NKAIN3: variants seen among roughly 807,000 people sequenced by gnomAD.
The protein encoded by NKAIN3 is sodium/potassium transporting ATPase interacting 3.
Under a neutral mutation model 30.2 loss-of-function variants are expected in NKAIN3, and 25 were observed. The ratio of observed to expected loss-of-function variants is 0.83; its 90% CI spans 0.60 to 1.16. The LOEUF is 1.16. Among genes scored for constraint, NKAIN3 ranks in the 50% most tolerant of loss-of-function variants. The probability of loss-of-function intolerance (pLI) is 0.00; values close to 1 mark genes in which losing one functional copy is unlikely to be tolerated. For missense variants in NKAIN3, 225 were observed against 254.1 expected (o/e 0.89, Z 0.78); for synonymous variants, 91 against 89.6 (o/e 1.02, Z -0.09).
At chr8:62,292,170 A>T (rs1813663840) in intron 1 of NKAIN3, among the ~76,000 whole-genome samples, 1 of 149,798 alleles carries the variant, frequency 6.7e-6, no homozygotes, top group African/African-American at 2.6e-5. Flanking sequence ...CAGCACACTG[A>T]TGGGTCTTGA....
intron 1 of NKAIN3, among the ~76,000 whole-genome samples, chr8:62,568,050 G>T (rs902934802): frequency 1.9e-4 from 29 of 152,134 alleles, no homozygotes; most frequent in African/African-American, 7.0e-4. Context: ...TCTGAAAAGT[G>T]CAACTTTCCT....
intron 1 of NKAIN3, among the ~76,000 whole-genome samples, chr8:62,420,331 A>G (rs1804593858): frequency 6.6e-6 from 1 of 152,236 alleles, no homozygotes; most frequent in Non-Finnish European, 1.5e-5. Context: ...ATGCCTCAGC[A>G]GATCTGATTG....
intron 3 of NKAIN3, among the ~76,000 whole-genome samples, chr8:62,662,598 G>T (rs542212478): frequency 1.4e-4 from 22 of 152,262 alleles, no homozygotes; most frequent in African/African-American, 5.3e-4. Flanking sequence ...AGTTATTGAG[G>T]TGAGCTTTAT....
chr8:62,692,332 T>C (rs1214077095), intron 3 of NKAIN3, among the ~76,000 whole-genome samples: 1 of 152,152 alleles, frequency 6.6e-6, no homozygotes, highest in Non-Finnish European at 1.5e-5. Context: ...GAAGCACAAC[T>C]GGCAAAGATA....
intron 1 of NKAIN3, among the ~76,000 whole-genome samples, chr8:62,353,362 T>C (rs1012927782): frequency 6.6e-6 from 1 of 152,246 alleles, no homozygotes; most frequent in African/African-American, 2.4e-5. Flanking sequence ...GAGTTTTTAT[T>C]AACATTACTG....
intron 6 of NKAIN3, among the ~76,000 whole-genome samples, chr8:62,955,553 G>C (rs1486450026): frequency 6.6e-6 from 1 of 152,062 alleles, no homozygotes; most frequent in African/African-American, 2.4e-5. Flanking sequence ...AAACTCAGCA[G>C]AGAAATTGCA....
intron 1 of NKAIN3, among the ~76,000 whole-genome samples, chr8:62,328,282 A>G (rs56695792): frequency 2.0e-4 from 30 of 152,278 alleles, no homozygotes; most frequent in African/African-American, 6.3e-4. Context: ...TACAAGTCCA[A>G]TGAAAGGTAA....
chr8:62,726,060 T>C (rs1008489560), intron 3 of NKAIN3, among the ~76,000 whole-genome samples: 17 of 152,116 alleles, frequency 1.1e-4, no homozygotes, highest in African/African-American at 4.1e-4. Context: ...TTTCACTTCT[T>C]TGGTTAAATT....
intron 1 of NKAIN3, among the ~76,000 whole-genome samples, chr8:62,463,681 T>C (rs1806066665): frequency 6.6e-6 from 1 of 152,222 alleles, no homozygotes; most frequent in South Asian, 2.1e-4. Flanking sequence ...TCTTCTCTCA[T>C]CCATGGGAAA....
chr8:62,263,169 T>C (rs1041391654), intron 1 of NKAIN3, among the ~76,000 whole-genome samples: 2 of 152,222 alleles, frequency 1.3e-5, no homozygotes, highest in Non-Finnish European at 2.9e-5. Flanking sequence ...TATTTTAAGA[T>C]GTTTAAACTT....
At chr8:62,697,161 A>G (rs1423518656) in intron 3 of NKAIN3, among the ~76,000 whole-genome samples, 2 of 152,068 alleles carry the variant, frequency 1.3e-5, no homozygotes, top group African/African-American at 2.4e-5. Flanking sequence ...ATGGCTCCCT[A>G]TTTCACCTGG....
At chr8:62,717,423 T>C in intron 3 of NKAIN3, among the ~76,000 whole-genome samples, 1 of 152,168 alleles carries the variant, frequency 6.6e-6, no homozygotes, top group Non-Finnish European at 1.5e-5. Flanking sequence ...ATAAGACTGG[T>C]ATTGTAACAC....
chr8:62,428,730 A>C (rs1241740672), intron 1 of NKAIN3, among the ~76,000 whole-genome samples: 1 of 151,636 alleles, frequency 6.6e-6, no homozygotes, highest in Non-Finnish European at 1.5e-5. Context: ...TTTGGTTATT[A>C]ATACCCTTTC....
chr8:62,289,637 T>A (rs1714861974), intron 1 of NKAIN3, among the ~76,000 whole-genome samples: 1 of 152,170 alleles, frequency 6.6e-6, no homozygotes, highest in African/African-American at 2.4e-5. Flanking sequence ...GCTGTTTTGG[T>A]TACTGTAGGC....
chr8:62,345,684 C>T (rs570618481), intron 1 of NKAIN3, among the ~76,000 whole-genome samples: 1 of 149,124 alleles, frequency 6.7e-6, no homozygotes, highest in Non-Finnish European at 1.5e-5. Flanking sequence ...ATATATATAC[C>T]AGACTATATA....
At chr8:62,548,927 G>A (rs1425792153) in intron 1 of NKAIN3, among the ~76,000 whole-genome samples, 1 of 151,878 alleles carries the variant, frequency 6.6e-6, no homozygotes, top group Non-Finnish European at 1.5e-5. Context: ...ACAGTTTTCA[G>A]TAAGTTACAG....
At chr8:62,870,259 T>G (rs77272732) in intron 4 of NKAIN3, among the ~76,000 whole-genome samples, 7,757 of 75,624 alleles carry the variant, frequency 0.1, 1,028 homozygotes, top group African/African-American at 0.17. Flanking sequence ...TCTATATATA[T>G]ATCTATATAT....
intron 5 of NKAIN3, among the ~76,000 whole-genome samples, chr8:62,918,791 C>T (rs1170407910): frequency 6.6e-6 from 1 of 152,090 alleles, no homozygotes; most frequent in Non-Finnish European, 1.5e-5. Flanking sequence ...TCATCAGACA[C>T]CTAACCATTA....
intron 1 of NKAIN3, among the ~76,000 whole-genome samples, chr8:62,353,907 T>C (rs1040092065): frequency 3.9e-5 from 6 of 152,206 alleles, no homozygotes; most frequent in South Asian, 4.1e-4. Context: ...TTTCAGATGC[T>C]GGGAGAAATT....
Sources: gnomAD v4.1 joint callset for allele counts (sites outside exome capture counted in the v4.1 genomes callset) on GRCh38, gnomAD v4.1.1 for gene constraint, MANE v1.5 for transcripts, NCBI Gene and HGNC (gene_info 2026-07-23, HGNC 2026-07-21) for gene names.